The following ANKRD36 variants were observed in gnomAD, a reference collection of about 807,000 sequenced individuals.
The protein encoded by ANKRD36 is ankyrin repeat domain-containing protein 36A.
In ANKRD36, 179 loss-of-function variants were observed where a neutral mutation model predicts 278.1. The ratio of observed to expected loss-of-function variants is 0.64; its 90% CI spans 0.57 to 0.73. ANKRD36 has a LOEUF of 0.73. Ranked by LOEUF, ANKRD36 falls within the 30% of genes least tolerant of loss-of-function variation. ANKRD36 has a pLI of 0.00. For synonymous variants in ANKRD36, 320 were observed against 641.1 expected (o/e 0.50, Z 7.57); for missense variants, 1,159 against 1,956.7 (o/e 0.59, Z 7.69).
intron 28 of ANKRD36, among the ~76,000 whole-genome samples, chr2:97,185,068 CTG>C (rs761546986): frequency 8.8e-4 from 134 of 151,862 alleles, no homozygotes; most frequent in Non-Finnish European, 1.4e-3. Context: ...GATAGTAACA[CTG>C]TTTCATTTTA....
At chr2:97,135,738 A>G (rs1299746419) in intron 6 of ANKRD36, among the ~76,000 whole-genome samples, 1 of 151,734 alleles carries the variant, frequency 6.6e-6, no homozygotes, top group Non-Finnish European at 1.5e-5. Context: ...TGACAAAGGG[A>G]CGATTCACAT....
intron 22 of ANKRD36, among the ~76,000 whole-genome samples, chr2:97,169,808 C>T (rs2051867111): frequency 6.6e-6 from 1 of 152,246 alleles, no homozygotes; most frequent in Non-Finnish European, 1.5e-5. Context: ...AAGAACATTC[C>T]ATGCTCATGG....
chr2:97,227,283 G>A (rs1296864641), intron 67 of ANKRD36, among the ~76,000 whole-genome samples: 1 of 152,110 alleles, frequency 6.6e-6, no homozygotes, highest in African/African-American at 2.4e-5. Context: ...CCATTTGTTT[G>A]TATCCTCTTT....
chr2:97,173,323 G>C (rs2053189003), intron 22 of ANKRD36, among the ~76,000 whole-genome samples: 1 of 151,180 alleles, frequency 6.6e-6, no homozygotes, highest in South Asian at 2.1e-4. Context: ...AGGATAGGCT[G>C]CTGAGCCTAT....
chr2:97,197,350 A>C (rs1397370301), intron 42 of ANKRD36, among the ~76,000 whole-genome samples: 12 of 151,924 alleles, frequency 7.9e-5, no homozygotes, highest in Non-Finnish European at 4.4e-5. Context: ...GGAATATTTT[A>C]ATAAAAAATA....
Position 97,156,674 on chromosome 2 carries a change from T to TA in ANKRD36, c.1261-1430dup, listed in dbSNP as rs200836576. 6.3e-3 allele frequency among the ~76,000 whole-genome samples: 870 copies of TA among 139,176 alleles called. 51 individuals are homozygous for TA. The East Asian group carries it at 0.11, about 17-fold the overall frequency. The allele number at this position is 139,176 out of a possible 152,430, so 91.3% of individuals were successfully genotyped here. On this transcript the variant is annotated intron_variant, in intron 15 of 75. Coordinates refer to ENST00000420699, the MANE Select transcript of ANKRD36 (RefSeq NM_001354587.1). ...TTTGCTATTGTGAATAGTGCCGCAATAAACATACGTGTGCATGTGTCTTTA... is the reference window on the plus strand; with the variant it reads ...TTTGCTATTGTGAATAGTGCCGCAATAAAACATACGTGTGCATGTGTCTTTA...
chr2:97,179,252 A>G (rs1224357272), intron 22 of ANKRD36, among the ~76,000 whole-genome samples: 2 of 151,588 alleles, frequency 1.3e-5, no homozygotes, highest in African/African-American at 4.8e-5. Context: ...ATTTCAACTA[A>G]AGTGTCATTA....
At chr2:97,200,650 T>C (rs1323146382) in intron 46 of ANKRD36, 125 bp downstream of exon 46, 4 of 1,434,402 alleles carry the variant, frequency 2.8e-6, no homozygotes, top group Non-Finnish European at 3.7e-6. Context: ...GATTCTTCTT[T>C]TCTAACAAGT....
At chr2:97,166,010 A>G (rs1400331273) in intron 20 of ANKRD36, among the ~76,000 whole-genome samples, 2 of 147,322 alleles carry the variant, frequency 1.4e-5, no homozygotes, top group Non-Finnish European at 3.0e-5. Context: ...TTGTAATTGC[A>G]GAAGTTTTAA....
Position 97,215,806 on chromosome 2 carries a change from G to A in ANKRD36, c.3673+309G>A, listed in dbSNP as rs536562768. On this transcript the variant is annotated intron_variant, in intron 62 of 75. Coordinates refer to ENST00000420699, the MANE Select transcript of ANKRD36 (RefSeq NM_001354587.1). ...TTCTACAGCAAGTTTCCATCAAGAG[G>A]GGAAGGAGAAAGAGATGAAGTAATA... 4.3e-5 allele frequency: 27 copies of A among 634,398 alleles called. No homozygotes were observed. In the East Asian group the frequency reaches 7.7e-4, roughly 18 times the overall value. 39.3% of individuals were successfully genotyped at this position (634,398 alleles called of 1,614,324 possible).
chr2:97,222,435 A>G (rs2068023394), intron 66 of ANKRD36, among the ~76,000 whole-genome samples: 1 of 152,086 alleles, frequency 6.6e-6, no homozygotes, highest in South Asian at 2.1e-4. Flanking sequence ...CTAATTCACA[A>G]TGCCACCAAT....
In ANKRD36 at chr2:97,224,444, G is replaced by GTTTTTTTTT. The variant is rs1432191197; in HGVS notation, c.3878-355_3878-354insTTTTTTTTT. On this transcript the variant is annotated intron_variant, in intron 66 of 75. Coordinates refer to ENST00000420699, the MANE Select transcript of ANKRD36 (RefSeq NM_001354587.1). ...AGAAAGACTATCGTTTTGTTTTTTT[G>GTTTTTTTTT]TTTTTTTGTTTTTTTTTTTTTGAGA... 2.8e-5 allele frequency among the ~76,000 whole-genome samples: 4 copies of GTTTTTTTTT among 143,804 alleles called. No individual in the cohort carries two copies. In the East Asian group the frequency reaches 1.1e-3, roughly 39 times the overall value. 94.3% of individuals were successfully genotyped at this position (143,804 alleles called of 152,430 possible).
intron 46 of ANKRD36, among the ~76,000 whole-genome samples, chr2:97,201,580 G>A (rs1409271923): frequency 6.6e-6 from 1 of 151,952 alleles, no homozygotes; most frequent in African/African-American, 2.4e-5. Context: ...GTCTAAACTA[G>A]TGGATACAAG....
intron 40 of ANKRD36, among the ~76,000 whole-genome samples, chr2:97,195,226 A>T (rs1293989664): frequency 1.3e-5 from 2 of 151,994 alleles, no homozygotes; most frequent in Non-Finnish European, 2.9e-5. Context: ...TTAAGGGTGT[A>T]CGGAGAAGGA....
At chr2:97,218,825 A>AT (rs572082121) in intron 64 of ANKRD36, among the ~76,000 whole-genome samples, 62 of 148,282 alleles carry the variant, frequency 4.2e-4, no homozygotes, top group African/African-American at 1.4e-3. Flanking sequence ...GATGTGGTGC[A>AT]TAATCTCACT....
At chr2:97,235,219 C>T (rs1306963002) in intron 68 of ANKRD36, among the ~76,000 whole-genome samples, 1 of 151,680 alleles carries the variant, frequency 6.6e-6, no homozygotes, top group Non-Finnish European at 1.5e-5. Flanking sequence ...TTCAAGTTCA[C>T]TTTTTGGATA....
At chr2:97,177,916 G>A (rs1225855991) in intron 22 of ANKRD36, among the ~76,000 whole-genome samples, 1 of 150,588 alleles carries the variant, frequency 6.6e-6, no homozygotes, top group Non-Finnish European at 1.5e-5. Context: ...GAAAATTTTT[G>A]CAACCTACTC....
intron 64 of ANKRD36, among the ~76,000 whole-genome samples, chr2:97,217,739 A>T (rs1424575613): frequency 4.0e-5 from 6 of 151,898 alleles, no homozygotes; most frequent in Non-Finnish European, 8.8e-5. Flanking sequence ...GTCAGATGGT[A>T]CTACTTAAAC....
Position 97,194,928 on chromosome 2 carries a change from G to T in ANKRD36, c.2551+11G>T. On this transcript the variant is annotated intron_variant, in intron 40 of 75. Transcript: ENST00000420699. ...AAATATCTAGGAAAGGTAATTTTGCGAAACACATTTAATGTCATGTTCAGT... is the reference window on the plus strand; with the variant it reads ...AAATATCTAGGAAAGGTAATTTTGCTAAACACATTTAATGTCATGTTCAGT... 6.5e-7 allele frequency: 1 copy of T among 1,543,888 alleles called. No individual in the cohort carries two copies. Among genetic ancestry groups the T allele is most frequent in the South Asian group, 1.2e-5 (1 of 83,954 alleles).
Sources: gnomAD v4.1 joint callset for allele counts (sites outside exome capture counted in the v4.1 genomes callset) on GRCh38, gnomAD v4.1.1 for gene constraint, MANE v1.5 for transcripts, NCBI Gene and HGNC (gene_info 2026-07-23, HGNC 2026-07-21) for gene names.